Variants in ANO2 observed in about 807,000 individuals in gnomAD.
The protein encoded by ANO2 is anoctamin-2.
A neutral mutation model predicts 124.2 loss-of-function variants in ANO2; 101 were observed. The ratio of observed to expected loss-of-function variants is 0.81; its 90% CI spans 0.69 to 0.96. The LOEUF is 0.96. Ranked by LOEUF, ANO2 falls within the 40% of genes least tolerant of loss-of-function variation. The pLI, the probability that ANO2 is intolerant of heterozygous loss-of-function variation, is 0.00. For missense variants in ANO2, 1,293 were observed against 1,274.5 expected (o/e 1.01, Z -0.22); for synonymous variants, 486 against 482.5 (o/e 1.01, Z -0.09).
chr12:5,752,529 T>A (rs1951468525), intron 10 of ANO2, among the ~76,000 whole-genome samples: 2 of 152,194 alleles, frequency 1.3e-5, no homozygotes, highest in African/African-American at 4.8e-5. Context: ...TCTATTTAGG[T>A]CCTTTACTTA....
chr12:5,706,841 T>C (rs1949628577), intron 14 of ANO2, among the ~76,000 whole-genome samples: 1 of 152,212 alleles, frequency 6.6e-6, no homozygotes, highest in Non-Finnish European at 1.5e-5. Context: ...TGTGAATAAA[T>C]TGGGAGTCAT....
intron 16 of ANO2, among the ~76,000 whole-genome samples, chr12:5,626,197 G>T (rs182476824): frequency 6.6e-6 from 1 of 152,226 alleles, no homozygotes. Context: ...GGTGAAATAG[G>T]CAATCACAGG....
intron 17 of ANO2, among the ~76,000 whole-genome samples, chr12:5,613,885 G>A (rs1019628001): frequency 6.6e-6 from 1 of 152,112 alleles, no homozygotes; most frequent in African/African-American, 2.4e-5. Context: ...CCACGAAATC[G>A]ACATTGAAAG....
At chr12:5,681,355 T>A (rs181613391) in intron 14 of ANO2, among the ~76,000 whole-genome samples, 55 of 152,290 alleles carry the variant, frequency 3.6e-4, no homozygotes, top group Admixed American at 6.5e-4. Context: ...GAATCATGAA[T>A]TTCACTTTTG....
In ANO2 at chr12:5,803,046, A is replaced by G. The variant is rs1180899666; in HGVS notation, c.990+3006T>C. On this transcript the variant is annotated intron_variant, in intron 9 of 24. Transcript: ENST00000682330. The stretch of plus-strand genomic sequence containing the variant: ...TTGCAACAACCCTTTGCAATGCCAG[A>G]TAACATGAAGGTGTGTGGGACTCAT... 2.6e-5 allele frequency among the ~76,000 whole-genome samples: 4 copies of G among 152,346 alleles called. No homozygotes were observed. In the South Asian group the frequency reaches 6.2e-4, roughly 24 times the overall value.
At chr12:5,650,454 G>C (rs928736972) in intron 14 of ANO2, among the ~76,000 whole-genome samples, 8 of 152,224 alleles carry the variant, frequency 5.3e-5, no homozygotes, top group Non-Finnish European at 1.0e-4. Context: ...CACACACACA[G>C]TGCTCATGCA....
chr12:5,637,073 G>A (rs1321190275), intron 15 of ANO2, among the ~76,000 whole-genome samples: 1 of 151,774 alleles, frequency 6.6e-6, no homozygotes, highest in Non-Finnish European at 1.5e-5. Context: ...GCTGCAGGGT[G>A]GGGGTGGGGA....
chr12:5,758,321 C>A (rs971473608), intron 10 of ANO2, among the ~76,000 whole-genome samples: 17 of 152,114 alleles, frequency 1.1e-4, no homozygotes, highest in African/African-American at 4.1e-4. Flanking sequence ...TTGTGAGGGG[C>A]AGAGGGAGGA....
At chr12:5,724,325 G>A (rs1029908423) in intron 14 of ANO2, among the ~76,000 whole-genome samples, 2 of 152,012 alleles carry the variant, frequency 1.3e-5, no homozygotes. Context: ...GTGGTTATTC[G>A]GTCATTTAGT....
chr12:5,703,836 C>G (rs192140601), intron 14 of ANO2, among the ~76,000 whole-genome samples: 2 of 152,174 alleles, frequency 1.3e-5, no homozygotes, highest in Non-Finnish European at 2.9e-5. Flanking sequence ...TGTGAGCCAC[C>G]GTGCCTGGCA....
At chr12:5,638,339 C>A (rs200578617) in intron 15 of ANO2, among the ~76,000 whole-genome samples, 1 of 147,964 alleles carries the variant, frequency 6.8e-6, no homozygotes, top group African/African-American at 2.5e-5. Context: ...GGGTTCACGC[C>A]ATTCTCCTGC....
intron 20 of ANO2, among the ~76,000 whole-genome samples, chr12:5,589,939 T>C (rs974272915): frequency 6.6e-6 from 1 of 152,078 alleles, no homozygotes; most frequent in Non-Finnish European, 1.5e-5. Flanking sequence ...TGATGGTTTT[T>C]GGACACCGGA....
chr12:5,807,981 C>T (rs1203309957), intron 7 of ANO2, among the ~76,000 whole-genome samples: 1 of 152,214 alleles, frequency 6.6e-6, no homozygotes, highest in African/African-American at 2.4e-5. Context: ...CTCACTCTTC[C>T]TTCACAAGTA....
chr12:5,619,990 G>A (rs996881515), intron 16 of ANO2, among the ~76,000 whole-genome samples: 1 of 152,208 alleles, frequency 6.6e-6, no homozygotes, highest in Admixed American at 6.5e-5. Flanking sequence ...AGGGTGGCTA[G>A]GGCCAAAGTC....
At chr12:5,823,937 C>T (rs1428727624) in intron 7 of ANO2, among the ~76,000 whole-genome samples, 1 of 152,256 alleles carries the variant, frequency 6.6e-6, no homozygotes, top group African/African-American at 2.4e-5. Flanking sequence ...GCTGCCAAGG[C>T]TTGGGGCTTC....
intron 16 of ANO2, among the ~76,000 whole-genome samples, chr12:5,617,635 C>T (rs1944893330): frequency 2.0e-5 from 3 of 152,106 alleles, no homozygotes; most frequent in Admixed American, 2.0e-4. Flanking sequence ...GCATACCAAA[C>T]TCTCCAGATC....
chr12:5,699,245 C>A (rs1280854852), intron 14 of ANO2, among the ~76,000 whole-genome samples: 3 of 152,316 alleles, frequency 2.0e-5, no homozygotes, highest in South Asian at 4.1e-4. Flanking sequence ...GCAGATCTCT[C>A]AGCAGAAACT....
rs10622876 is a variant in ANO2, at chr12:5,867,778, G to GAAAA, written c.535-13641_535-13638dup. Reference sequence around the variant, plus strand: ...ACAGAAAAAGACCTAGCACTATAATGAAAAAAAAAAAAAAAAAAAAAACCA... The same window carrying GAAAA: ...ACAGAAAAAGACCTAGCACTATAATGAAAAAAAAAAAAAAAAAAAAAAAAAACCA... On this transcript the variant is annotated intron_variant, in intron 3 of 24. Transcript: ENST00000682330. Among the ~76,000 whole-genome samples, 109 of 78,520 alleles carry GAAAA rather than the reference G, an allele frequency of 1.4e-3. 4 individuals carry two copies. The highest frequency in any genetic ancestry group is 3.6e-3 in the African/African-American group (77 of 21,186). The allele number at this position is 78,520 out of a possible 152,430, so 51.5% of individuals were successfully genotyped here.
intron 14 of ANO2, among the ~76,000 whole-genome samples, chr12:5,696,085 T>C (rs991446372): frequency 6.7e-6 from 1 of 150,172 alleles, no homozygotes; most frequent in African/African-American, 2.5e-5. Flanking sequence ...GAGTTAAACA[T>C]CCAACAACAA....
Sources: gnomAD v4.1 joint callset for allele counts (sites outside exome capture counted in the v4.1 genomes callset) on GRCh38, gnomAD v4.1.1 for gene constraint, MANE v1.5 for transcripts, NCBI Gene and HGNC (gene_info 2026-07-23, HGNC 2026-07-21) for gene names.